Variants in SMOC1 observed in about 807,000 individuals in gnomAD.
SMOC1 encodes the protein SPARC related modular calcium binding 1, also known as SPARC-related modular calcium-binding protein 1.
SMOC1 carries 22 observed loss-of-function variants against 56.3 expected under a neutral mutation model. That is an observed-to-expected ratio of 0.39 (90% CI 0.28 to 0.56). SMOC1 has a LOEUF of 0.56. SMOC1 is among the 20% of genes least tolerant of loss of function. The probability of loss-of-function intolerance (pLI) is 0.61; values close to 1 mark genes in which losing one functional copy is unlikely to be tolerated. For missense variants in SMOC1, 509 were observed against 565.4 expected (o/e 0.90, Z 1.01); for synonymous variants, 193 against 215.0 (o/e 0.90, Z 0.89).
chr14:70,008,347 C>T (rs1885215643), intron 7 of SMOC1, among the ~76,000 whole-genome samples: 4 of 152,038 alleles, frequency 2.6e-5, no homozygotes, highest in Admixed American at 2.6e-4. Context: ...GCTATGTTAC[C>T]CAGGCTGGTC....
At chr14:69,950,611 A>G (rs1337303020) in intron 1 of SMOC1, among the ~76,000 whole-genome samples, 1 of 152,134 alleles carries the variant, frequency 6.6e-6, no homozygotes. Context: ...ACCCAATCTG[A>G]TGAAGAGCCT....
At chr14:69,953,149 A>AT (rs5809448) in intron 2 of SMOC1, among the ~76,000 whole-genome samples, 43,586 of 148,118 alleles carry the variant, frequency 0.29, 6,804 homozygotes, top group Admixed American at 0.38. Flanking sequence ...GAACTAAAAC[A>AT]TTTTTTTTTC....
chr14:69,956,666 A>G (rs938239736), intron 3 of SMOC1, among the ~76,000 whole-genome samples: 9 of 151,908 alleles, frequency 5.9e-5, no homozygotes, highest in Admixed American at 3.9e-4. Flanking sequence ...AGACCACATG[A>G]CTGACTTGGC....
chr14:69,976,505 T>C (rs1453556047), intron 4 of SMOC1, among the ~76,000 whole-genome samples: 1 of 152,210 alleles, frequency 6.6e-6, no homozygotes, highest in Admixed American at 6.5e-5. Flanking sequence ...TAGTGATCCA[T>C]TGGGTTAGGC....
chr14:70,010,225 C>T (rs1885287826), intron 7 of SMOC1, among the ~76,000 whole-genome samples: 1 of 152,198 alleles, frequency 6.6e-6, no homozygotes, highest in Non-Finnish European at 1.5e-5. Flanking sequence ...AAGGCTGGAC[C>T]TTGTTTCTGC....
chr14:69,917,660 T>C (rs528253508), intron 1 of SMOC1, among the ~76,000 whole-genome samples: 1 of 152,350 alleles, frequency 6.6e-6, no homozygotes, highest in Non-Finnish European at 1.5e-5. Flanking sequence ...CATTTAACAA[T>C]AGTTTTAAAA....
chr14:69,976,796 A>T (rs1027678959), intron 4 of SMOC1, among the ~76,000 whole-genome samples: 1 of 152,234 alleles, frequency 6.6e-6, no homozygotes, highest in African/African-American at 2.4e-5. Context: ...AGTGCAAAGT[A>T]TAAAACATTA....
At chr14:69,919,987 C>T (rs1434089152) in intron 1 of SMOC1, among the ~76,000 whole-genome samples, 2 of 147,966 alleles carry the variant, frequency 1.4e-5, no homozygotes, top group Non-Finnish European at 3.0e-5. Flanking sequence ...TAAGTGCCTG[C>T]CATCATCCAT....
chr14:69,915,311 G>A (rs1386750300), intron 1 of SMOC1, among the ~76,000 whole-genome samples: 3 of 152,160 alleles, frequency 2.0e-5, no homozygotes, highest in Middle Eastern at 3.2e-3. Context: ...ATCTACCCAT[G>A]TCTGTGCCCT....
intron 1 of SMOC1, among the ~76,000 whole-genome samples, chr14:69,943,208 C>T (rs1048161996): frequency 1.3e-5 from 2 of 152,188 alleles, no homozygotes; most frequent in Non-Finnish European, 2.9e-5. Context: ...TTTAATCGGG[C>T]ATGCTGCTGT....
intron 1 of SMOC1, among the ~76,000 whole-genome samples, chr14:69,926,115 G>A (rs748613195): frequency 5.9e-5 from 9 of 151,950 alleles, no homozygotes; most frequent in Non-Finnish European, 1.2e-4. Flanking sequence ...CAAAGTCTGC[G>A]AGTTGCATGT....
intron 1 of SMOC1, among the ~76,000 whole-genome samples, chr14:69,934,199 G>A (rs554951868): frequency 2.3e-4 from 35 of 152,240 alleles, no homozygotes; most frequent in Admixed American, 8.5e-4. Flanking sequence ...CCAGTACAGA[G>A]GACCTTCCCA....
At chr14:70,002,611 G>A (rs985039924) in intron 7 of SMOC1, among the ~76,000 whole-genome samples, 2 of 152,196 alleles carry the variant, frequency 1.3e-5, no homozygotes, top group African/African-American at 4.8e-5. Flanking sequence ...GGGAATTGGC[G>A]ATGGCCAAGT....
intron 1 of SMOC1, among the ~76,000 whole-genome samples, chr14:69,943,782 C>T (rs1329102213): frequency 6.6e-6 from 1 of 152,194 alleles, no homozygotes; most frequent in Non-Finnish European, 1.5e-5. Context: ...GAAAAACATC[C>T]CCTCTCTTGG....
intron 1 of SMOC1, among the ~76,000 whole-genome samples, chr14:69,894,120 G>A (rs899625360): frequency 6.6e-6 from 1 of 152,206 alleles, no homozygotes; most frequent in Non-Finnish European, 1.5e-5. Flanking sequence ...GGCAGCCCTA[G>A]CAAACTAATA....
intron 5 of SMOC1, among the ~76,000 whole-genome samples, chr14:69,986,345 C>T (rs1884365250): frequency 6.6e-6 from 1 of 152,088 alleles, no homozygotes; most frequent in Admixed American, 6.6e-5. Context: ...GTGGTGGTTA[C>T]CTGAGTCTAC....
intron 3 of SMOC1, among the ~76,000 whole-genome samples, chr14:69,973,436 G>A (rs919838000): frequency 2.2e-4 from 33 of 152,316 alleles, no homozygotes; most frequent in African/African-American, 7.0e-4. Flanking sequence ...TCAAATCCAC[G>A]TCTATCTGGA....
chr14:69,986,785 A>G (rs1440571263), intron 5 of SMOC1, among the ~76,000 whole-genome samples: 1 of 152,112 alleles, frequency 6.6e-6, no homozygotes, highest in Non-Finnish European at 1.5e-5. Flanking sequence ...TGCCTGCAAA[A>G]AGGCAGCTTT....
chr14:69,902,670 G>A (rs1050817487), intron 1 of SMOC1, among the ~76,000 whole-genome samples: 7 of 152,098 alleles, frequency 4.6e-5, no homozygotes, highest in Middle Eastern at 3.2e-3. Flanking sequence ...ATGCCGAGCC[G>A]AAGCTGGACT....
Sources: gnomAD v4.1 joint callset for allele counts (sites outside exome capture counted in the v4.1 genomes callset) on GRCh38, gnomAD v4.1.1 for gene constraint, MANE v1.5 for transcripts, NCBI Gene and HGNC (gene_info 2026-07-23, HGNC 2026-07-21) for gene names.